Variants in ENTPD5 observed in about 807,000 individuals in gnomAD.
ENTPD5 encodes the protein nucleoside diphosphate phosphatase ENTPD5.
Under a neutral mutation model 60.2 loss-of-function variants are expected in ENTPD5, and 49 were observed. That is an observed-to-expected ratio of 0.81 (90% CI 0.65 to 1.03). The LOEUF (loss-of-function observed/expected upper bound fraction) is 1.03. Ranked by LOEUF, ENTPD5 falls within the 50% of genes least tolerant of loss-of-function variation. ENTPD5 has a pLI of 0.00. For missense variants in ENTPD5, 480 were observed against 507.6 expected, an observed-to-expected ratio of 0.95 and a Z score of 0.52; for synonymous variants, 187 against 185.4, an observed-to-expected ratio of 1.01 and a Z score of -0.07.
At chr14:74,005,364 C>CA (rs35560902) in intron 3 of ENTPD5, among the ~76,000 whole-genome samples, 1 of 117,064 alleles carries the variant, frequency 8.5e-6, no homozygotes, top group African/African-American at 3.4e-5. Context: ...GACTCGGTCT[C>CA]AAAAAAAAAG....
At chr14:73,971,581 T>G (rs1459243351) in intron 14 of ENTPD5, among the ~76,000 whole-genome samples, 1 of 152,232 alleles carries the variant, frequency 6.6e-6, no homozygotes, top group African/African-American at 2.4e-5. Context: ...GCAGTGACTG[T>G]TCACAGGTGT....
intron 15 of ENTPD5, 138 bp downstream of exon 15, chr14:73,969,872 A>G (rs561196173): frequency 3.2e-6 from 2 of 626,506 alleles, no homozygotes; most frequent in Admixed American, 2.6e-5. Flanking sequence ...GGTGCCCAGC[A>G]CAGTACCTTG....
At chr14:74,005,265 C>CAAA (rs71115941) in intron 3 of ENTPD5, among the ~76,000 whole-genome samples, 1 of 39,980 alleles carries the variant, frequency 2.5e-5, no homozygotes, top group Admixed American at 2.8e-4. Context: ...GACTCAGTCT[C>CAAA]AAAAAAAAAA....
intron 4 of ENTPD5, among the ~76,000 whole-genome samples, chr14:73,987,632 C>T (rs1217645986): frequency 6.6e-6 from 1 of 151,660 alleles, no homozygotes; most frequent in Non-Finnish European, 1.5e-5. Context: ...GTCATCATGC[C>T]ACTGCACTAC....
rs1228515498 is a variant in ENTPD5, at chr14:74,005,203, T to C, written c.-71+5888A>G. 6.0e-5 allele frequency among the ~76,000 whole-genome samples: 8 copies of C among 134,240 alleles called. No homozygotes were observed. The Admixed American group carries it at 6.2e-4, about 10-fold the overall frequency. 88.1% of individuals were successfully genotyped at this position (134,240 alleles called of 152,430 possible). A position where few individuals can be genotyped will look rare whatever the true frequency, so the allele number is the denominator to read the frequency against. On this transcript the variant is annotated intron_variant, in intron 3 of 15. Coordinates refer to ENST00000334696, the MANE Select transcript of ENTPD5 (RefSeq NM_001249.5). Reference sequence around the variant, plus strand: ...ATTGCTTGAACCCGGGAGATGGAGGTTGCAGTGAGCTGAGATCGCACCATT... The same window carrying C: ...ATTGCTTGAACCCGGGAGATGGAGGCTGCAGTGAGCTGAGATCGCACCATT...
At chr14:73,978,521 A>G (rs895979299) in intron 6 of ENTPD5, among the ~76,000 whole-genome samples, 2 of 152,086 alleles carry the variant, frequency 1.3e-5, no homozygotes, top group African/African-American at 4.8e-5. Flanking sequence ...GAATCGCTTG[A>G]ACCCAGGAGG....
At chr14:73,982,432 A>G (rs903000517) in intron 6 of ENTPD5, among the ~76,000 whole-genome samples, 1 of 152,120 alleles carries the variant, frequency 6.6e-6, no homozygotes, top group African/African-American at 2.4e-5. Context: ...ATTAGAAACG[A>G]CTTCTGATTC....
intron 10 of ENTPD5, among the ~76,000 whole-genome samples, chr14:73,975,627 C>T (rs938954418): frequency 1.3e-5 from 2 of 152,100 alleles, no homozygotes; most frequent in African/African-American, 2.4e-5. Context: ...TGGTCTCAAA[C>T]GCCTGACCTC....
chr14:73,985,519 C>T (rs972100322), intron 5 of ENTPD5, among the ~76,000 whole-genome samples: 19 of 152,026 alleles, frequency 1.2e-4, no homozygotes, highest in South Asian at 4.2e-4. Context: ...TTCATGTGTC[C>T]GTTGGCTGCA....
At chr14:73,994,418 C>T (rs113257091) in intron 3 of ENTPD5, among the ~76,000 whole-genome samples, 13,870 of 151,936 alleles carry the variant, frequency 0.091, 797 homozygotes, top group South Asian at 0.27. Flanking sequence ...CAAGCCTCCG[C>T]ACCGAGCAAT....
In ENTPD5 at chr14:73,966,745, C is replaced by A; in HGVS notation, c.*183G>T. On this transcript the variant is annotated 3_prime_UTR_variant, in exon 16 of 16. Transcript: ENST00000334696. ...GGCTCACAGGGCTCTCTGTGATGCT[C>A]TGGTGCCAGCTGTGTACTCTTGAGT... 1.9e-6 allele frequency: 1 copy of A among 533,506 alleles called. No individual in the cohort carries two copies. Among genetic ancestry groups the A allele is most frequent in the Non-Finnish European group, 3.3e-6 (1 of 301,792 alleles). The allele number at this position is 533,506 out of a possible 1,614,324, so 33.0% of individuals were successfully genotyped here.
intron 3 of ENTPD5, among the ~76,000 whole-genome samples, chr14:74,010,446 C>T (rs1395931111): frequency 2.0e-5 from 3 of 151,796 alleles, no homozygotes; most frequent in South Asian, 2.1e-4. Flanking sequence ...CCCAACTACT[C>T]GGGAGGCTGA....
At chr14:73,988,290 A>T in intron 3 of ENTPD5, 118 bp from the exon 4 acceptor site, 1 of 941,004 alleles carries the variant, frequency 1.1e-6, no homozygotes, top group South Asian at 2.0e-5. Context: ...AACCTGTACA[A>T]CAAGCTAAAC....
intron 15 of ENTPD5, 76 bp from the exon 16 acceptor site, chr14:73,967,090 T>C: frequency 1.6e-6 from 2 of 1,287,826 alleles, no homozygotes; most frequent in African/African-American, 1.5e-5. Flanking sequence ...GGGCAGAAAA[T>C]ATTGGCAAAG....
chr14:73,976,498 G>A, intron 8 of ENTPD5, 86 bp from the exon 9 acceptor site: 2 of 1,046,660 alleles, frequency 1.9e-6, no homozygotes, highest in Non-Finnish European at 2.9e-6. Context: ...TACACTGAAG[G>A]TATTCCATAC....
intron 5 of ENTPD5, among the ~76,000 whole-genome samples, chr14:73,985,159 C>T (rs1000716502): frequency 1.3e-5 from 2 of 152,074 alleles, no homozygotes; most frequent in African/African-American, 2.4e-5. Flanking sequence ...CATTTGGGTT[C>T]GTTCCAAGTC....
chr14:73,976,300 C>T (rs766237055), intron 9 of ENTPD5, 24 bp downstream of exon 9: 11 of 1,605,966 alleles, frequency 6.8e-6, no homozygotes, highest in Non-Finnish European at 9.4e-6. Context: ...GCACTTCTAA[C>T]CAGATCTTCA....
intron 3 of ENTPD5, among the ~76,000 whole-genome samples, chr14:74,005,879 C>T (rs1373608817): frequency 6.6e-6 from 1 of 152,126 alleles, no homozygotes; most frequent in East Asian, 1.9e-4. Context: ...TTTTAACTTC[C>T]ATCTTCTGTT....
At chr14:74,002,567 A>G (rs534697248) in intron 3 of ENTPD5, among the ~76,000 whole-genome samples, 1 of 152,310 alleles carries the variant, frequency 6.6e-6, no homozygotes, top group East Asian at 1.9e-4. Flanking sequence ...GTGCCCAGCT[A>G]ATCAAGAGAT....
Sources: gnomAD v4.1 joint callset for allele counts (sites outside exome capture counted in the v4.1 genomes callset) on GRCh38, gnomAD v4.1.1 for gene constraint, MANE v1.5 for transcripts, NCBI Gene and HGNC (gene_info 2026-07-23, HGNC 2026-07-21) for gene names.